The following PRH1 variants were observed in gnomAD, a reference collection of about 807,000 sequenced individuals.
PRH1 encodes proline rich protein HaeIII subfamily 1, also known as salivary acidic proline-rich phosphoprotein 1/2.
In PRH1, 7 loss-of-function variants were observed where a neutral mutation model predicts 7.9. That is an observed-to-expected ratio of 0.89 (90% CI 0.50 to 1.67). PRH1 has a LOEUF of 1.67. Among genes scored for constraint, PRH1 ranks in the 40% most tolerant of loss-of-function variants. The pLI is 0.00. For missense variants in PRH1, 109 were observed against 223.6 expected, an observed-to-expected ratio of 0.49 and a Z score of 3.27; for synonymous variants, 45 against 80.8, an observed-to-expected ratio of 0.56 and a Z score of 2.38.
intron 2 of PRH1, 128 bp from the exon 3 acceptor site, chr12:10,882,826 C>A (rs868644643): frequency 7.3e-5 from 107 of 1,471,866 alleles, no homozygotes; most frequent in Non-Finnish European, 9.7e-5. Context: ...AACCTCCCCC[C>A]TTCCCAAGGC....
chr12:10,887,364 A>G (rs1196507299), upstream of PRH1, among the ~76,000 whole-genome samples: 1 of 152,196 alleles, frequency 6.6e-6, no homozygotes, highest in Non-Finnish European at 1.5e-5. Context: ...CAGTTAGCAA[A>G]TAAACACAAT....
intron 1 of PRH1, among the ~76,000 whole-genome samples, chr12:11,125,900 G>A (rs1419428530): frequency 6.6e-6 from 1 of 151,918 alleles, no homozygotes; most frequent in East Asian, 1.9e-4. Flanking sequence ...TTAATTTAAA[G>A]TTTAAAATTT....
chr12:11,065,819 TCTC>T (rs1943784011), intron 1 of PRH1, among the ~76,000 whole-genome samples: 1 of 152,216 alleles, frequency 6.6e-6, no homozygotes. Flanking sequence ...GTCTACGCAT[TCTC>T]CTGCAACTTG....
At chr12:11,030,873 T>C (rs767483401) in intron 1 of PRH1, 3 of 1,614,162 alleles carry the variant, frequency 1.9e-6, no homozygotes, top group Non-Finnish European at 2.5e-6. Flanking sequence ...TATTCTTTTG[T>C]CCGTACAATC....
At chr12:10,999,075 C>G (rs1049583280) in intron 1 of PRH1, among the ~76,000 whole-genome samples, 7 of 152,050 alleles carry the variant, frequency 4.6e-5, no homozygotes, top group African/African-American at 1.7e-4. Flanking sequence ...TCTCAAATCA[C>G]CAGAGCCATC....
intron 1 of PRH1, among the ~76,000 whole-genome samples, chr12:11,018,860 A>G (rs1941433335): frequency 6.6e-6 from 1 of 152,280 alleles, no homozygotes; most frequent in South Asian, 2.1e-4. Context: ...TCAAGGAGAG[A>G]TCCCTCGTGG....
At chr12:11,111,086 G>A (rs971696817) in intron 1 of PRH1, among the ~76,000 whole-genome samples, 10 of 152,120 alleles carry the variant, frequency 6.6e-5, no homozygotes, top group South Asian at 4.1e-4. Context: ...AGGAATCAAC[G>A]CAACAAGAAG....
chr12:10,999,457 A>G (rs919975390), intron 1 of PRH1, among the ~76,000 whole-genome samples: 1 of 152,176 alleles, frequency 6.6e-6, no homozygotes, highest in Non-Finnish European at 1.5e-5. Flanking sequence ...CCCCCTAGGT[A>G]TATAATGAGC....
Position 11,097,878 on chromosome 12 carries a change from T to C in PRH1, n.124-50690A>G, listed in dbSNP as rs1435912847. ...TCCTCATGGCCTCACGATTCTTCTA[T>C]GATTCTCAGCATTAGGCCTAGACAA... On this transcript the variant is annotated intron_variant and non_coding_transcript_variant, in intron 1 of 4. Coordinates refer to the PRH1 transcript ENST00000541977. 3.7e-5 allele frequency among the ~76,000 whole-genome samples: 4 copies of C among 108,908 alleles called. 2 individuals are homozygous for C. Among genetic ancestry groups the C allele is most frequent in the Non-Finnish European group, 8.7e-5 (4 of 46,048 alleles). The allele number at this position is 108,908 out of a possible 152,430, so 71.4% of individuals were successfully genotyped here. A position where few individuals can be genotyped will look rare whatever the true frequency, so the allele number is the denominator to read the frequency against.
intron 1 of PRH1, among the ~76,000 whole-genome samples, chr12:11,016,363 T>C (rs1264338360): frequency 2.0e-5 from 3 of 152,232 alleles, no homozygotes; most frequent in African/African-American, 7.2e-5. Flanking sequence ...ACCTCACTTT[T>C]GTTAACTGGA....
rs1401809580 is a variant in PRH1, at chr12:11,090,793, T to C, written n.124-43605A>G. On this transcript the variant is annotated intron_variant and non_coding_transcript_variant, in intron 1 of 4. Coordinates refer to the PRH1 transcript ENST00000541977. ...ATACATCCTCATTATTGATTTAGAATTGAATGACCTTACCATCCAATAAAT... is the reference window on the plus strand; with the variant it reads ...ATACATCCTCATTATTGATTTAGAACTGAATGACCTTACCATCCAATAAAT... Among the ~76,000 whole-genome samples, 75 of 116,070 alleles carry C rather than the reference T, an allele frequency of 6.5e-4. 11 individuals carry two copies. The highest frequency in any genetic ancestry group is 8.1e-4 in the Non-Finnish European group (40 of 49,132). The allele number at this position is 116,070 out of a possible 152,430, so 76.1% of individuals were successfully genotyped here.
chr12:10,903,840 A>T (rs184987226), intron 2 of PRH1, among the ~76,000 whole-genome samples: 1 of 151,400 alleles, frequency 6.6e-6, no homozygotes, highest in Non-Finnish European at 1.5e-5. Context: ...CAGGATACAA[A>T]TCAATTCACA....
intron 1 of PRH1, among the ~76,000 whole-genome samples, chr12:11,085,747 G>T (rs1431884693): frequency 8.6e-6 from 1 of 116,210 alleles, no homozygotes; most frequent in Non-Finnish European, 2.0e-5. Flanking sequence ...TCAATTCCAG[G>T]CATACAAATC....
intron 1 of PRH1, among the ~76,000 whole-genome samples, chr12:11,072,883 G>A (rs1812551348): frequency 6.6e-6 from 1 of 151,250 alleles, no homozygotes; most frequent in South Asian, 2.1e-4. Context: ...TCAGGGCGAT[G>A]TCACTTCTGC....
At chr12:11,129,053 T>C (rs1009213688) in intron 1 of PRH1, among the ~76,000 whole-genome samples, 7 of 152,136 alleles carry the variant, frequency 4.6e-5, no homozygotes, top group Non-Finnish European at 7.3e-5. Flanking sequence ...TTCTCAACTA[T>C]TTGGAACTAT....
upstream of PRH1, among the ~76,000 whole-genome samples, chr12:10,887,406 T>C (rs1326788844): frequency 6.6e-6 from 1 of 152,224 alleles, no homozygotes; most frequent in Non-Finnish European, 1.5e-5. Flanking sequence ...CTTTGACTTG[T>C]CTAAAAAGTT....
intron 1 of PRH1, among the ~76,000 whole-genome samples, chr12:11,059,006 C>T (rs1943479349): frequency 6.6e-6 from 1 of 152,162 alleles, no homozygotes; most frequent in Non-Finnish European, 1.5e-5. Context: ...AATGGAACAC[C>T]ACACTGTGGG....
intron 1 of PRH1, among the ~76,000 whole-genome samples, chr12:11,010,895 T>A (rs913922133): frequency 6.6e-6 from 1 of 151,940 alleles, no homozygotes; most frequent in East Asian, 1.9e-4. Context: ...AATTTCTCTA[T>A]TTTTTCTTGA....
At chr12:11,153,167 A>T (rs1400331128) in intron 1 of PRH1, among the ~76,000 whole-genome samples, 1 of 152,220 alleles carries the variant, frequency 6.6e-6, no homozygotes, top group Non-Finnish European at 1.5e-5. Flanking sequence ...TTTAGTGAAC[A>T]TAAGTAGAAT....
Sources: gnomAD v4.1 joint callset for allele counts (sites outside exome capture counted in the v4.1 genomes callset) on GRCh38, gnomAD v4.1.1 for gene constraint, MANE v1.5 for transcripts, NCBI Gene and HGNC (gene_info 2026-07-23, HGNC 2026-07-21) for gene names.